Variants in CCDC178 observed in about 807,000 individuals in gnomAD.
The protein encoded by CCDC178 is coiled-coil domain containing 178.
Under a neutral mutation model 117.4 loss-of-function variants are expected in CCDC178, and 126 were observed. The observed-to-expected ratio is 1.07, with a 90% CI of 0.93 to 1.24. CCDC178 has a LOEUF of 1.24. Ranked by LOEUF, CCDC178 falls within the 50% of genes most tolerant of loss-of-function variation. The pLI is 0.00. For missense variants in CCDC178, 1,030 were observed against 986.9 expected, an observed-to-expected ratio of 1.04 and a Z score of -0.59; for synonymous variants, 283 against 313.4, an observed-to-expected ratio of 0.90 and a Z score of 1.02.
At chr18:33,230,401 T>G (rs1344994688) in intron 15 of CCDC178, among the ~76,000 whole-genome samples, 1 of 152,178 alleles carries the variant, frequency 6.6e-6, no homozygotes, top group Non-Finnish European at 1.5e-5. Flanking sequence ...CAGGACTGCC[T>G]GCTACTAGAG....
intron 20 of CCDC178, among the ~76,000 whole-genome samples, chr18:33,142,698 G>A (rs925354800): frequency 6.6e-6 from 1 of 152,240 alleles, no homozygotes; most frequent in Non-Finnish European, 1.5e-5. Flanking sequence ...TATTGGGCCT[G>A]TAGAATGATA....
chr18:33,391,158 T>C (rs1199054633), intron 4 of CCDC178, among the ~76,000 whole-genome samples: 1 of 151,418 alleles, frequency 6.6e-6, no homozygotes, highest in Non-Finnish European at 1.5e-5. Context: ...ATAAAATGTA[T>C]ACAATTATTT....
intron 21 of CCDC178, among the ~76,000 whole-genome samples, chr18:32,978,750 G>A (rs186710565): frequency 3.2e-4 from 48 of 152,262 alleles, no homozygotes; most frequent in African/African-American, 1.1e-3. Flanking sequence ...AAGAGTTAGA[G>A]AAAAGGCCGG....
chr18:33,417,576 G>T (rs1354240527), intron 2 of CCDC178, among the ~76,000 whole-genome samples: 2 of 151,192 alleles, frequency 1.3e-5, no homozygotes, highest in African/African-American at 4.9e-5. Context: ...ATAACTGCAA[G>T]TATTACCGCT....
Position 32,949,339 on chromosome 18 carries a change from CTCTT to C in CCDC178, c.2524-11252_2524-11249del, listed in dbSNP as rs1270721698. 9.9e-5 allele frequency among the ~76,000 whole-genome samples: 15 copies of C among 152,108 alleles called. No homozygotes were observed. In the South Asian group the frequency reaches 1.0e-3, roughly 11 times the overall value. ...GATTTTTTAAATATTTTTCTGTTCT[CTCTT>C]TATTTTCTTCTCTTTCATAGACTCA... On this transcript the variant is annotated intron_variant, in intron 22 of 22. Transcript: ENST00000383096.
chr18:33,131,165 T>G (rs186125807), intron 20 of CCDC178, among the ~76,000 whole-genome samples: 2 of 152,088 alleles, frequency 1.3e-5, no homozygotes, highest in Admixed American at 6.6e-5. Flanking sequence ...TTCATGATGA[T>G]TAATTTTCTA....
rs541137818 is a variant in CCDC178, at chr18:33,376,346, C to T, written c.209-6157G>A. Among the ~76,000 whole-genome samples the T allele has an allele frequency of 7.9e-5, 12 of 152,282 alleles. No homozygotes were observed. In the South Asian group the frequency reaches 2.5e-3, roughly 32 times the overall value. On this transcript the variant is annotated intron_variant, in intron 5 of 22. Coordinates refer to ENST00000383096, the MANE Select transcript of CCDC178 (RefSeq NM_001105528.4). ...CTGCTCATACCTGAGAGGCTACCTA[C>T]TGTAACAAAATGATAAGAAAGTAAA...
At chr18:33,371,769 G>T (rs979529076) in intron 5 of CCDC178, among the ~76,000 whole-genome samples, 4 of 118,954 alleles carry the variant, frequency 3.4e-5, no homozygotes, top group African/African-American at 6.3e-5. Flanking sequence ...TTCCTCTTTA[G>T]TTCATAAACA....
rs1354375390 is a variant in CCDC178, at chr18:32,974,554, G to C, written c.2516C>G (p.Ala839Gly). The stretch of plus-strand genomic sequence containing the variant: ...TTCCCTGCAATCACCTACCTGCACA[G>C]CTAATATTTTCTGAATACTCTCCTG... ...DSQESIQKIL[A>G]VQEESSNLMQ... is the part of the protein sequence containing the mutation. Residue 839 changes from alanine to glycine, a missense_variant, in exon 22 of 23, where the codon GCT becomes GGT. Coordinates refer to ENST00000383096, the MANE Select transcript of CCDC178 (RefSeq NM_001105528.4). The C allele has an allele frequency of 6.2e-7, 1 of 1,613,312 alleles. No homozygotes were observed. The highest frequency in any genetic ancestry group is 8.5e-7 in the Non-Finnish European group (1 of 1,179,660).
intron 20 of CCDC178, among the ~76,000 whole-genome samples, chr18:33,190,765 CA>C (rs2058848261): frequency 6.6e-6 from 1 of 152,160 alleles, no homozygotes; most frequent in Non-Finnish European, 1.5e-5. Flanking sequence ...TTCACATCTG[CA>C]GTTTGGTGTT....
chr18:33,398,991 G>A (rs771404894), intron 3 of CCDC178, among the ~76,000 whole-genome samples: 1 of 152,166 alleles, frequency 6.6e-6, no homozygotes, highest in Admixed American at 6.6e-5. Flanking sequence ...CCTGAGGTCA[G>A]GAGTTTGAGA....
intron 20 of CCDC178, among the ~76,000 whole-genome samples, chr18:33,152,027 C>A (rs1212564142): frequency 1.3e-5 from 2 of 152,150 alleles, no homozygotes; most frequent in Admixed American, 1.3e-4. Context: ...ATCCACCCAG[C>A]ATTCAACACA....
At chr18:33,327,293 C>T (rs558508537) in intron 10 of CCDC178, among the ~76,000 whole-genome samples, 20 of 152,130 alleles carry the variant, frequency 1.3e-4, no homozygotes, top group African/African-American at 3.1e-4. Flanking sequence ...TTTCTTTTTA[C>T]GGCTTAATAA....
chr18:33,106,419 C>T (rs2057705161), intron 20 of CCDC178, among the ~76,000 whole-genome samples: 1 of 151,708 alleles, frequency 6.6e-6, no homozygotes. Flanking sequence ...AGAGTAATGA[C>T]TGACCTGAGG....
At chr18:33,148,845 T>C (rs77337537) in intron 20 of CCDC178, among the ~76,000 whole-genome samples, 3,354 of 152,254 alleles carry the variant, frequency 0.022, 50 homozygotes, top group Admixed American at 0.035. Flanking sequence ...AAGAAAACAT[T>C]TTTGTAACCA....
chr18:33,379,991 T>C (rs988680581), intron 5 of CCDC178, among the ~76,000 whole-genome samples: 3 of 152,098 alleles, frequency 2.0e-5, no homozygotes, highest in Admixed American at 6.5e-5. Context: ...TACCACAATG[T>C]ATATCTATAA....
At chr18:33,003,012 T>C (rs2055672098) in intron 21 of CCDC178, among the ~76,000 whole-genome samples, 1 of 151,864 alleles carries the variant, frequency 6.6e-6, no homozygotes, top group Non-Finnish European at 1.5e-5. Context: ...CAAAAGCAAA[T>C]AGTGAGATTG....
intron 21 of CCDC178, among the ~76,000 whole-genome samples, chr18:33,066,082 C>T (rs936727376): frequency 9.2e-5 from 14 of 151,960 alleles, no homozygotes; most frequent in Non-Finnish European, 1.8e-4. Flanking sequence ...AGGATGGTCT[C>T]GATCTCCTGA....
chr18:33,189,668 A>G (rs1463136530), intron 20 of CCDC178, among the ~76,000 whole-genome samples: 2 of 152,216 alleles, frequency 1.3e-5, no homozygotes, highest in African/African-American at 4.8e-5. Flanking sequence ...AATCAGAAGA[A>G]GTATTTGCAA....
Sources: gnomAD v4.1 joint callset for allele counts (sites outside exome capture counted in the v4.1 genomes callset) on GRCh38, gnomAD v4.1.1 for gene constraint, MANE v1.5 for transcripts, NCBI Gene and HGNC (gene_info 2026-07-23, HGNC 2026-07-21) for gene names.